Variants in PAX5 observed in about 807,000 individuals in gnomAD.
PAX5 encodes the protein paired box 5.
A neutral mutation model predicts 43.7 loss-of-function variants in PAX5; 9 were observed. The ratio of observed to expected loss-of-function variants is 0.21; its 90% CI spans 0.12 to 0.36. The LOEUF is 0.36. Among genes scored for constraint, PAX5 ranks in the 10% least tolerant of loss-of-function variants. PAX5 has a pLI of 1.00. For missense variants in PAX5, 383 were observed against 532.7 expected, an observed-to-expected ratio of 0.72 and a Z score of 2.77; for synonymous variants, 228 against 214.3, an observed-to-expected ratio of 1.06 and a Z score of -0.56.
At chr9:36,950,381 G>A (rs180776455) in intron 6 of PAX5, among the ~76,000 whole-genome samples, 89 of 152,324 alleles carry the variant, frequency 5.8e-4, no homozygotes, top group African/African-American at 2.0e-3. Flanking sequence ...TAGAAGAGAG[G>A]AAATGCAACC....
intron 5 of PAX5, among the ~76,000 whole-genome samples, chr9:36,974,688 A>C (rs1345753022): frequency 1.3e-5 from 2 of 152,188 alleles, no homozygotes; most frequent in African/African-American, 2.4e-5. Flanking sequence ...GGCTTTTATA[A>C]GGATTAAATG....
intron 1 of PAX5, among the ~76,000 whole-genome samples, chr9:37,028,662 C>G (rs1367628060): frequency 6.6e-6 from 1 of 152,208 alleles, no homozygotes; most frequent in Non-Finnish European, 1.5e-5. Context: ...TCTTGAGAAC[C>G]GAATGAGCCA....
chr9:36,933,660 C>G (rs943313876), intron 6 of PAX5, among the ~76,000 whole-genome samples: 8 of 152,246 alleles, frequency 5.3e-5, no homozygotes, highest in Non-Finnish European at 1.2e-4. Flanking sequence ...ACCCACTATC[C>G]TCCTCCAGCT....
At chr9:36,964,967 C>G (rs1212621585) in intron 6 of PAX5, among the ~76,000 whole-genome samples, 1 of 152,178 alleles carries the variant, frequency 6.6e-6, no homozygotes, top group Non-Finnish European at 1.5e-5. Context: ...ACAACCACAC[C>G]GGCTCTCTCC....
At chr9:36,881,913 T>C (rs1221574454) in intron 8 of PAX5, 91 bp downstream of exon 8, 2 of 930,278 alleles carry the variant, frequency 2.1e-6, no homozygotes, top group African/African-American at 3.3e-5. Context: ...CTCAGAAGCG[T>C]AGAGGTCACC....
chr9:36,924,055 T>A (rs1445108090), intron 6 of PAX5, among the ~76,000 whole-genome samples: 1 of 152,054 alleles, frequency 6.6e-6, no homozygotes, highest in African/African-American at 2.4e-5. Flanking sequence ...TTGGGGTGGG[T>A]CACCATGAAT....
intron 8 of PAX5, among the ~76,000 whole-genome samples, chr9:36,872,016 A>T (rs1775639110): frequency 6.6e-6 from 1 of 152,218 alleles, no homozygotes; most frequent in African/African-American, 2.4e-5. Context: ...TTGCTTTCAA[A>T]GATGGAACAA....
At chr9:37,006,054 C>A (rs752218102) in intron 4 of PAX5, among the ~76,000 whole-genome samples, 3 of 152,146 alleles carry the variant, frequency 2.0e-5, no homozygotes, top group Non-Finnish European at 4.4e-5. Flanking sequence ...CTCAAGACTG[C>A]AAGTGCACAA....
intron 3 of PAX5, among the ~76,000 whole-genome samples, chr9:37,009,864 G>A (rs1031184160): frequency 6.6e-6 from 1 of 152,002 alleles, no homozygotes; most frequent in Non-Finnish European, 1.5e-5. Context: ...AAGCACAAGT[G>A]GCCCCCTTGG....
intron 5 of PAX5, among the ~76,000 whole-genome samples, chr9:36,974,371 G>A (rs551852381): frequency 4.6e-5 from 7 of 152,278 alleles, no homozygotes; most frequent in African/African-American, 1.7e-4. Flanking sequence ...CGGATAGAGC[G>A]CTGTTCAGTG....
intron 7 of PAX5, among the ~76,000 whole-genome samples, chr9:36,914,126 C>T (rs183360915): frequency 5.0e-4 from 76 of 152,356 alleles, no homozygotes; most frequent in African/African-American, 1.7e-3. Flanking sequence ...AAGAATCCCA[C>T]ACAGTGAAGA....
At chr9:36,853,091 T>C (rs1252975171) in intron 8 of PAX5, among the ~76,000 whole-genome samples, 2 of 152,246 alleles carry the variant, frequency 1.3e-5, no homozygotes, top group Non-Finnish European at 2.9e-5. Flanking sequence ...TTGCTTGTCA[T>C]ATCGATCTTC....
At chr9:36,885,877 T>A (rs1388988037) in intron 7 of PAX5, among the ~76,000 whole-genome samples, 1 of 152,138 alleles carries the variant, frequency 6.6e-6, no homozygotes, top group Non-Finnish European at 1.5e-5. Flanking sequence ...CCAAATAAAT[T>A]CAGTTTTATG....
rs903189159 is a variant in PAX5, at chr9:36,839,295, C to T, written c.*1265G>A. On this transcript the variant is annotated 3_prime_UTR_variant, in exon 10 of 10. Coordinates refer to ENST00000358127, the MANE Select transcript of PAX5 (RefSeq NM_016734.3). ...TCTCCAAGTTCCCGTGGCCCTTGGC[C>T]GTGGCCCTGACCATCGCGGCCCCTT... 2 of 233,604 alleles carry T rather than the reference C, an allele frequency of 8.6e-6. No individual in the cohort carries two copies. Among genetic ancestry groups the T allele is most frequent in the African/African-American group, 2.2e-5 (1 of 45,496 alleles). 14.5% of individuals were successfully genotyped at this position (233,604 alleles called of 1,614,324 possible). A position where few individuals can be genotyped will look rare whatever the true frequency, so the allele number is the denominator to read the frequency against.
Position 36,833,706 on chromosome 9 carries a change from C to T in PAX5, c.*6854G>A, listed in dbSNP as rs1821437254. 2 of 232,844 alleles carry T rather than the reference C, an allele frequency of 8.6e-6. No individual in the cohort carries two copies. Among genetic ancestry groups the T allele is most frequent in the Admixed American group, 5.6e-5 (1 of 17,752 alleles). The allele number at this position is 232,844 out of a possible 1,614,324, so 14.4% of individuals were successfully genotyped here. On this transcript the variant is annotated 3_prime_UTR_variant, in exon 10 of 10. Transcript: ENST00000358127. ...ACACACGTCACTAAGAAAAAAACCA[C>T]CAATATTTCAAGTCAGTTATTTTCT...
At chr9:37,000,304 G>T (rs904891381) in intron 5 of PAX5, among the ~76,000 whole-genome samples, 9 of 152,168 alleles carry the variant, frequency 5.9e-5, no homozygotes, top group Non-Finnish European at 8.8e-5. Context: ...GGGAGGCTCT[G>T]GTTGATTGGG....
chr9:36,926,132 CCTAA>C (rs769872897), intron 6 of PAX5, among the ~76,000 whole-genome samples: 58 of 152,278 alleles, frequency 3.8e-4, no homozygotes, highest in South Asian at 1.7e-3. Flanking sequence ...GAATGACTTG[CCTAA>C]CTAAGTTCAT....
Position 37,015,288 on chromosome 9 carries a change from G to T in PAX5, c.213-94C>A. 1 of 1,064,358 alleles carries T rather than the reference G, an allele frequency of 9.4e-7. No homozygotes were observed. The highest frequency in any genetic ancestry group is 1.4e-6 in the Non-Finnish European group (1 of 699,742). 65.9% of individuals were successfully genotyped at this position (1,064,358 alleles called of 1,614,324 possible). On this transcript the variant is annotated intron_variant, in intron 2 of 9. Coordinates refer to ENST00000358127, the MANE Select transcript of PAX5 (RefSeq NM_016734.3). The surrounding 1 kb of genome is among the most constrained non-coding windows in gnomAD (Gnocchi z 4.4). Reference sequence around the variant, plus strand: ...GGGCTACTCTGGCCAGGAAACGTCCGGATCTGCACGTTCCAATACAGTAGC... The same window carrying T: ...GGGCTACTCTGGCCAGGAAACGTCCTGATCTGCACGTTCCAATACAGTAGC...
intron 6 of PAX5, among the ~76,000 whole-genome samples, chr9:36,932,470 G>A (rs563287617): frequency 6.6e-6 from 1 of 152,210 alleles, no homozygotes; most frequent in African/African-American, 2.4e-5. Flanking sequence ...ATTATGCTAG[G>A]TGAAAAAGTC....
Sources: gnomAD v4.1 joint callset for allele counts (sites outside exome capture counted in the v4.1 genomes callset) on GRCh38, gnomAD v4.1.1 for gene constraint, Gnocchi (gnomAD v3.1) non-coding constraint, MANE v1.5 for transcripts, NCBI Gene and HGNC (gene_info 2026-07-23, HGNC 2026-07-21) for gene names.